Variants in RNFT2 observed in about 807,000 individuals in gnomAD.
RNFT2 encodes E3 ubiquitin-protein ligase RNFT2.
A neutral mutation model predicts 53.0 loss-of-function variants in RNFT2; 36 were observed. The ratio of observed to expected loss-of-function variants is 0.68; its 90% CI spans 0.52 to 0.90. The LOEUF (loss-of-function observed/expected upper bound fraction) is 0.90. RNFT2 is among the 40% of genes least tolerant of loss of function. The probability of loss-of-function intolerance (pLI) is 0.00; values close to 1 mark genes in which losing one functional copy is unlikely to be tolerated. For missense variants in RNFT2, 514 were observed against 585.6 expected (o/e 0.88, Z 1.26); for synonymous variants, 260 against 253.2 (o/e 1.03, Z -0.26).
chr12:116,836,401 G>T, intron 10 of RNFT2, 119 bp downstream of exon 10: 1 of 818,488 alleles, frequency 1.2e-6, no homozygotes, highest in East Asian at 2.7e-5. Context: ...GGTTAAGACC[G>T]GAGTCAGCCA....
At chr12:116,749,657 G>A (rs978490049) in intron 3 of RNFT2, among the ~76,000 whole-genome samples, 184 bp from the exon 4 acceptor site, 6 of 152,064 alleles carry the variant, frequency 3.9e-5, no homozygotes, top group South Asian at 2.1e-4. Context: ...TCATTGCCTC[G>A]TATAGACCCT....
intron 6 of RNFT2, among the ~76,000 whole-genome samples, chr12:116,773,801 C>G (rs888355298): frequency 2.0e-5 from 3 of 152,178 alleles, no homozygotes; most frequent in Non-Finnish European, 2.9e-5. Context: ...CAACAAAGTC[C>G]AGGGGTTTAC....
chr12:116,751,211 G>A (rs1019136775), intron 4 of RNFT2, among the ~76,000 whole-genome samples: 7 of 149,596 alleles, frequency 4.7e-5, no homozygotes, highest in Middle Eastern at 7.1e-3. Context: ...CCACTGCCCC[G>A]GCCTACTATA....
chr12:116,775,349 G>A (rs1233694824), intron 6 of RNFT2, among the ~76,000 whole-genome samples: 1 of 150,108 alleles, frequency 6.7e-6, no homozygotes, highest in African/African-American at 2.5e-5. Context: ...CAGTCTAGAC[G>A]GTGCTTGTAT....
chr12:116,750,810 ATATATATATTATATATAT>A lies in RNFT2; in HGVS notation c.550+504_550+521del, dbSNP rs1872162113. ...ATATGTGTGTGTGTATATATATATA[ATATATATATTATATATAT>A]AATATATATATTATATATATATAAT... On this transcript the variant is annotated intron_variant, in intron 4 of 10. Transcript: ENST00000257575. Among the ~76,000 whole-genome samples, 4 of 12,306 alleles carry A rather than the reference ATATATATATTATATATAT, an allele frequency of 3.3e-4. No individual in the cohort carries two copies. The South Asian group carries it at 7.6e-3, about 23-fold the overall frequency. The allele number at this position is 12,306 out of a possible 152,430, so 8.1% of individuals were successfully genotyped here.
intron 4 of RNFT2, among the ~76,000 whole-genome samples, chr12:116,752,046 C>G (rs1872273317): frequency 6.6e-6 from 1 of 152,094 alleles, no homozygotes; most frequent in African/African-American, 2.4e-5. Flanking sequence ...TTGTGGTCTA[C>G]TACTTTCCAT....
intron 6 of RNFT2, among the ~76,000 whole-genome samples, chr12:116,778,424 C>A (rs945674607): frequency 6.6e-6 from 1 of 152,180 alleles, no homozygotes; most frequent in East Asian, 1.9e-4. Flanking sequence ...AAAGCCAAGA[C>A]GCCCCTGGGG....
intron 10 of RNFT2, among the ~76,000 whole-genome samples, chr12:116,842,453 C>T (rs527998748): frequency 6.6e-6 from 1 of 152,192 alleles, no homozygotes; most frequent in Non-Finnish European, 1.5e-5. Context: ...ACAGCTCCCC[C>T]TCTCTTGAGT....
intron 4 of RNFT2, among the ~76,000 whole-genome samples, chr12:116,751,054 A>ACT (rs1872230175): frequency 6.6e-6 from 1 of 150,578 alleles, no homozygotes; most frequent in Non-Finnish European, 1.5e-5. Flanking sequence ...AGCTGGGACT[A>ACT]CAGGCGTGTG....
Position 116,852,311 on chromosome 12 carries a change from T to A in RNFT2, c.*2863T>A. ...ACCTCGCTGTCAGCCAGTATTAACATGTCCCCTTCCCCCTGCCCCGCCGTA... is the reference window on the plus strand; with the variant it reads ...ACCTCGCTGTCAGCCAGTATTAACAAGTCCCCTTCCCCCTGCCCCGCCGTA... On this transcript the variant is annotated 3_prime_UTR_variant, in exon 11 of 11. Transcript: ENST00000257575. The A allele has an allele frequency of 2.4e-6, 3 of 1,252,776 alleles. No individual in the cohort carries two copies. Among genetic ancestry groups the A allele is most frequent in the Non-Finnish European group, 2.0e-6 (2 of 993,208 alleles). 77.6% of individuals were successfully genotyped at this position (1,252,776 alleles called of 1,614,324 possible). A position where few individuals can be genotyped will look rare whatever the true frequency, so the allele number is the denominator to read the frequency against.
chr12:116,774,420 CA>C (rs1873333738), intron 6 of RNFT2, among the ~76,000 whole-genome samples: 2 of 152,124 alleles, frequency 1.3e-5, no homozygotes, highest in African/African-American at 4.8e-5. Flanking sequence ...ATCCTGTAAG[CA>C]GAATACATTT....
intron 5 of RNFT2, among the ~76,000 whole-genome samples, chr12:116,762,025 C>T (rs1592943633): frequency 6.7e-6 from 1 of 150,016 alleles, no homozygotes; most frequent in East Asian, 2.0e-4. Flanking sequence ...CGAGATCACA[C>T]CACCACCCTC....
chr12:116,764,611 G>A (rs1424159426), intron 5 of RNFT2, among the ~76,000 whole-genome samples: 2 of 152,144 alleles, frequency 1.3e-5, no homozygotes, highest in African/African-American at 4.8e-5. Flanking sequence ...AGTAGGAGGG[G>A]GCAAGGACAG....
At chr12:116,760,341 C>T (rs1224383243) in intron 5 of RNFT2, among the ~76,000 whole-genome samples, 1 of 152,144 alleles carries the variant, frequency 6.6e-6, no homozygotes, top group East Asian at 1.9e-4. Flanking sequence ...TGGATTTGCA[C>T]CCTCCCCTGA....
At chr12:116,805,290 A>G (rs1038465709) in intron 7 of RNFT2, among the ~76,000 whole-genome samples, 6 of 151,982 alleles carry the variant, frequency 3.9e-5, no homozygotes, top group Non-Finnish European at 5.9e-5. Context: ...TCTTGATGGG[A>G]GTGCCTCTAG....
rs1555209702 is a variant in RNFT2, at chr12:116,832,148, A to AAATAT, written c.883-1643_883-1642insATATA. ...CTTGTCTCAAAAAAAAAAAAAAAAAAATATATATATATATATATATATCTT... is the reference window on the plus strand; with the variant it reads ...CTTGTCTCAAAAAAAAAAAAAAAAAAAATATATATATATATATATATATATATCTT... On this transcript the variant is annotated intron_variant, in intron 7 of 10. Coordinates refer to ENST00000257575, the MANE Select transcript of RNFT2 (RefSeq NM_001382266.1). Among the ~76,000 whole-genome samples the AAATAT allele has an allele frequency of 1.0e-3, 56 of 55,170 alleles. 1 individual carries two copies. Among genetic ancestry groups the AAATAT allele is most frequent in the Admixed American group, 3.0e-3 (11 of 3,728 alleles). The allele number at this position is 55,170 out of a possible 152,430, so 36.2% of individuals were successfully genotyped here.
intron 5 of RNFT2, among the ~76,000 whole-genome samples, chr12:116,754,322 C>T (rs4767445): frequency 0.9 from 136,809 of 152,166 alleles, 61,957 homozygotes; most frequent in Non-Finnish European, 0.95. Flanking sequence ...GGCTGTGTAG[C>T]ATTCCACCAT....
At position 116,745,013 on chromosome 12, in the gene RNFT2, T is replaced by C. The variant is rs542136753; in HGVS notation, c.83+3919T>C. ...AAAGCTCAAGGCCCCTTGAGGATCATAGCCATGGTGTTTGCTGTTGTTGTC... is the reference window on the plus strand; with the variant it reads ...AAAGCTCAAGGCCCCTTGAGGATCACAGCCATGGTGTTTGCTGTTGTTGTC... On this transcript the variant is annotated intron_variant, in intron 3 of 10. Transcript: ENST00000257575. Among the ~76,000 whole-genome samples the C allele has an allele frequency of 3.5e-4, 54 of 152,164 alleles. No homozygotes were observed. In the East Asian group the frequency reaches 7.5e-3, roughly 21 times the overall value.
At chr12:116,813,708 G>A (rs1340307105) in intron 7 of RNFT2, among the ~76,000 whole-genome samples, 2 of 152,168 alleles carry the variant, frequency 1.3e-5, no homozygotes, top group African/African-American at 2.4e-5. Context: ...AAACACATAC[G>A]CTGAAGGTAA....
Sources: gnomAD v4.1 joint callset for allele counts (sites outside exome capture counted in the v4.1 genomes callset) on GRCh38, gnomAD v4.1.1 for gene constraint, MANE v1.5 for transcripts, NCBI Gene and HGNC (gene_info 2026-07-23, HGNC 2026-07-21) for gene names.